The following LMBRD1 variants were observed in gnomAD, a reference collection of about 807,000 sequenced individuals.
LMBRD1 encodes the protein LMBR1 domain containing 1.
Under a neutral mutation model 74.8 loss-of-function variants are expected in LMBRD1, and 64 were observed. The ratio of observed to expected loss-of-function variants is 0.86; its 90% CI spans 0.70 to 1.05. The LOEUF is 1.05. Ranked by LOEUF, LMBRD1 falls within the 50% of genes least tolerant of loss-of-function variation. The probability of loss-of-function intolerance (pLI) is 0.00; values close to 1 mark genes in which losing one functional copy is unlikely to be tolerated. For synonymous variants in LMBRD1, 204 were observed against 216.3 expected (o/e 0.94, Z 0.50); for missense variants, 652 against 645.9 (o/e 1.01, Z -0.10).
intron 9 of LMBRD1, among the ~76,000 whole-genome samples, chr6:69,711,360 G>T (rs544176875): frequency 6.6e-6 from 1 of 152,262 alleles, no homozygotes; most frequent in Non-Finnish European, 1.5e-5. Flanking sequence ...TTTTTCGAGT[G>T]ATGTGGATGC....
At chr6:69,794,744 T>C (rs2149899748) in intron 1 of LMBRD1, among the ~76,000 whole-genome samples, 1 of 152,236 alleles carries the variant, frequency 6.6e-6, no homozygotes, top group East Asian at 1.9e-4. Flanking sequence ...TCAGTTGTAA[T>C]TTAATGAAAT....
At chr6:69,703,269 T>G (rs1766173598) in intron 9 of LMBRD1, among the ~76,000 whole-genome samples, 1 of 151,962 alleles carries the variant, frequency 6.6e-6, no homozygotes, top group Admixed American at 6.6e-5. Flanking sequence ...TTTGGTACTG[T>G]GGTGAACTGA....
In LMBRD1 at chr6:69,739,058, T is replaced by A. The variant is rs185326235; in HGVS notation, c.563-1043A>T. ...TCAAATCAAAGACATTTTGATGCTGTTACTTTACTGATCATACCAGAAGTA... is the reference window on the plus strand; with the variant it reads ...TCAAATCAAAGACATTTTGATGCTGATACTTTACTGATCATACCAGAAGTA... On this transcript the variant is annotated intron_variant, in intron 6 of 15. Coordinates refer to ENST00000649934, the MANE Select transcript of LMBRD1 (RefSeq NM_018368.4). 2.0e-4 allele frequency among the ~76,000 whole-genome samples: 31 copies of A among 152,290 alleles called. No individual in the cohort carries two copies. In the East Asian group the frequency reaches 3.7e-3, roughly 18 times the overall value.
chr6:69,736,534 G>C (rs747864637), intron 7 of LMBRD1, among the ~76,000 whole-genome samples: 4 of 152,200 alleles, frequency 2.6e-5, no homozygotes, highest in Non-Finnish European at 5.9e-5. Context: ...CAGGTTACAA[G>C]TAGGGTAAAT....
At chr6:69,737,918 C>G in intron 7 of LMBRD1, 24 bp downstream of exon 7, 1 of 1,544,566 alleles carries the variant, frequency 6.5e-7, no homozygotes, top group Non-Finnish European at 8.9e-7. Flanking sequence ...GCAATTTTAA[C>G]TCAATTATCC....
intron 14 of LMBRD1, among the ~76,000 whole-genome samples, chr6:69,680,015 C>T (rs1030505588): frequency 6.6e-6 from 1 of 152,134 alleles, no homozygotes; most frequent in Non-Finnish European, 1.5e-5. Flanking sequence ...AATATCATGA[C>T]TACTCTGTGC....
chr6:69,691,962 G>A (rs1582051959), intron 14 of LMBRD1, among the ~76,000 whole-genome samples: 1 of 151,414 alleles, frequency 6.6e-6, no homozygotes, highest in East Asian at 1.9e-4. Flanking sequence ...CTTGATGATG[G>A]CCTTTTTTAC....
chr6:69,686,826 A>C (rs1446143209), intron 14 of LMBRD1, among the ~76,000 whole-genome samples: 3 of 152,224 alleles, frequency 2.0e-5, no homozygotes, highest in African/African-American at 7.2e-5. Flanking sequence ...GGGCAAATCA[A>C]GCCTATCATT....
chr6:69,783,989 T>C (rs1765892960), intron 2 of LMBRD1, among the ~76,000 whole-genome samples: 1 of 152,238 alleles, frequency 6.6e-6, no homozygotes, highest in Non-Finnish European at 1.5e-5. Flanking sequence ...GTATTGCTGT[T>C]ACTATTTTAA....
At chr6:69,794,287 T>C (rs1430250043) in intron 1 of LMBRD1, among the ~76,000 whole-genome samples, 4 of 151,188 alleles carry the variant, frequency 2.6e-5, no homozygotes, top group African/African-American at 9.9e-5. Flanking sequence ...TCACCACAAG[T>C]TCAAAAAGGG....
chr6:69,676,242 A>ACAGGATACAATTAATCCAAT lies in LMBRD1; in HGVS notation c.1519_1538dup (p.Cys513Ter). The ACAGGATACAATTAATCCAAT allele has an allele frequency of 6.2e-7, 1 of 1,613,368 alleles. No individual in the cohort carries two copies. Among genetic ancestry groups the ACAGGATACAATTAATCCAAT allele is most frequent in the Non-Finnish European group, 8.5e-7 (1 of 1,179,662 alleles). On this transcript the variant is annotated stop_gained and frameshift_variant, in exon 16 of 16. Coordinates refer to ENST00000649934, the MANE Select transcript of LMBRD1 (RefSeq NM_018368.4). LOFTEE classifies it high-confidence loss of function. ...CAATAACCGATTTCTTCCCTTTACA[A>ACAGGATACAATTAATCCAAT]CAGGATACAATTAATCCAATCAAAA...
chr6:69,742,140 G>A (rs1767119279), intron 5 of LMBRD1, among the ~76,000 whole-genome samples: 2 of 151,478 alleles, frequency 1.3e-5, no homozygotes, highest in South Asian at 4.2e-4. Context: ...TAATAAAGCT[G>A]GTAAAAAACA....
intron 2 of LMBRD1, among the ~76,000 whole-genome samples, chr6:69,784,639 AG>A (rs1341980827): frequency 6.6e-6 from 1 of 152,196 alleles, no homozygotes; most frequent in African/African-American, 2.4e-5. Flanking sequence ...ACTGACTTAG[AG>A]GTCTCTAAAA....
At chr6:69,737,686 T>C (rs1363319100) in intron 7 of LMBRD1, among the ~76,000 whole-genome samples, 1 of 151,300 alleles carries the variant, frequency 6.6e-6, no homozygotes, top group Admixed American at 6.6e-5. Flanking sequence ...TTTATAAGCA[T>C]AGATTATTAT....
At chr6:69,686,940 T>C (rs796754490) in intron 14 of LMBRD1, among the ~76,000 whole-genome samples, 4 of 152,338 alleles carry the variant, frequency 2.6e-5, no homozygotes, top group African/African-American at 9.6e-5. Context: ...GACTACTGCA[T>C]GACCCACAAA....
chr6:69,699,966 T>TA (rs1766090584), intron 12 of LMBRD1, among the ~76,000 whole-genome samples: 1 of 151,866 alleles, frequency 6.6e-6, no homozygotes, highest in Non-Finnish European at 1.5e-5. Flanking sequence ...GGGATTTCTG[T>TA]AAAAGTCTTG....
chr6:69,714,839 C>T (rs1487466372), intron 8 of LMBRD1, among the ~76,000 whole-genome samples: 2 of 152,090 alleles, frequency 1.3e-5, no homozygotes, highest in Non-Finnish European at 2.9e-5. Flanking sequence ...TCCTCTCCCA[C>T]GACTTATCTT....
intron 7 of LMBRD1, among the ~76,000 whole-genome samples, chr6:69,719,591 T>A (rs1766571073): frequency 6.6e-6 from 1 of 152,192 alleles, no homozygotes; most frequent in Non-Finnish European, 1.5e-5. Context: ...TTTTAAATAT[T>A]TTCCAAGTAA....
rs189718426 is a variant in LMBRD1 at position 69,741,692 on chromosome 6, G to A, written c.562+97C>T. 2.0e-4 allele frequency: 155 copies of A among 779,032 alleles called. 2 individuals are homozygous for A. In the East Asian group the frequency reaches 3.2e-3, roughly 16 times the overall value. The allele number at this position is 779,032 out of a possible 1,614,324, so 48.3% of individuals were successfully genotyped here. A position where few individuals can be genotyped will look rare whatever the true frequency, so the allele number is the denominator to read the frequency against. On this transcript the variant is annotated intron_variant, in intron 6 of 15. Coordinates refer to ENST00000649934, the MANE Select transcript of LMBRD1 (RefSeq NM_018368.4). Reference sequence around the variant, plus strand: ...GCATGAGCCACCACGCCCAGCTGGGGTTAAATTCTTAACAAAATACAAATA... The same window carrying A: ...GCATGAGCCACCACGCCCAGCTGGGATTAAATTCTTAACAAAATACAAATA...
Sources: gnomAD v4.1 joint callset for allele counts (sites outside exome capture counted in the v4.1 genomes callset) on GRCh38, gnomAD v4.1.1 for gene constraint, MANE v1.5 for transcripts, NCBI Gene and HGNC (gene_info 2026-07-23, HGNC 2026-07-21) for gene names.